PNPLA7: variants seen among roughly 807,000 people sequenced by gnomAD.
PNPLA7 encodes patatin like domain 7, lysophospholipase, also known as patatin-like phospholipase domain-containing protein 7.
Under a neutral mutation model 161.7 loss-of-function variants are expected in PNPLA7, and 153 were observed. That is an observed-to-expected ratio of 0.95 (90% CI 0.83 to 1.08). PNPLA7 has a LOEUF of 1.08. PNPLA7 is among the 50% of genes least tolerant of loss of function. The pLI is 0.00. For missense variants in PNPLA7, 1,739 were observed against 1,856.6 expected (o/e 0.94, Z 1.16); for synonymous variants, 809 against 782.1 (o/e 1.03, Z -0.57).
At chr9:137,504,542 C>T (rs1339309733) in intron 14 of PNPLA7, among the ~76,000 whole-genome samples, 2 of 152,176 alleles carry the variant, frequency 1.3e-5, no homozygotes, top group African/African-American at 2.4e-5. Context: ...TAGATCAGCC[C>T]ACTGCAGTGT....
At position 137,498,382 on chromosome 9, in the gene PNPLA7, G is replaced by T; in HGVS notation, c.1758-137C>A. 6.1e-6 allele frequency: 8 copies of T among 1,319,526 alleles called. 1 individual carries two copies. The South Asian group carries it at 9.8e-5, about 16-fold the overall frequency. The allele number at this position is 1,319,526 out of a possible 1,614,324, so 81.7% of individuals were successfully genotyped here. A position where few individuals can be genotyped will look rare whatever the true frequency, so the allele number is the denominator to read the frequency against. On this transcript the variant is annotated intron_variant, in intron 16 of 34. Transcript: ENST00000406427. The stretch of plus-strand genomic sequence containing the variant: ...GTAGAGAGACCACTGGCAGGGGCTG[G>T]GACGGGGCACGCACCAGTCAGCTGC...
chr9:137,530,033 C>T (rs1005267235), intron 8 of PNPLA7, among the ~76,000 whole-genome samples: 1 of 151,526 alleles, frequency 6.6e-6, no homozygotes, highest in African/African-American at 2.4e-5. Context: ...GGCATGATCT[C>T]GGCTCACTGC....
intron 33 of PNPLA7, 134 bp from the exon 34 acceptor site, chr9:137,460,871 C>A (rs1322037030): frequency 2.8e-6 from 2 of 724,002 alleles, no homozygotes; most frequent in Non-Finnish European, 4.6e-6. Context: ...CTACACGCAG[C>A]CACCTGGTCC....
chr9:137,501,823 G>T (rs966129139), intron 14 of PNPLA7, 96 bp from the exon 15 acceptor site: 3 of 1,286,550 alleles, frequency 2.3e-6, no homozygotes, highest in Middle Eastern at 1.8e-4. Flanking sequence ...GGCAACGAGC[G>T]GTGAGGCCAG....
chr9:137,507,417 C>T (rs1833982042), intron 12 of PNPLA7, among the ~76,000 whole-genome samples: 1 of 152,202 alleles, frequency 6.6e-6, no homozygotes, highest in African/African-American at 2.4e-5. Flanking sequence ...CACCTATAGT[C>T]CCAGCACTTT....
chr9:137,498,490 C>T (rs1048790859), intron 16 of PNPLA7, among the ~76,000 whole-genome samples: 1 of 152,246 alleles, frequency 6.6e-6, no homozygotes, highest in African/African-American at 2.4e-5. Context: ...TCCTGGCAGG[C>T]CCGCGAGTGC....
chr9:137,529,948 C>T (rs1039591947), intron 8 of PNPLA7, among the ~76,000 whole-genome samples: 5 of 151,684 alleles, frequency 3.3e-5, no homozygotes, highest in Non-Finnish European at 5.9e-5. Flanking sequence ...TGTGAGCCAC[C>T]GCGCCCAGCC....
chr9:137,498,912 A>G (rs1656512061), intron 16 of PNPLA7, among the ~76,000 whole-genome samples: 1 of 152,206 alleles, frequency 6.6e-6, no homozygotes, highest in South Asian at 2.1e-4. Flanking sequence ...TTTCCTCAGA[A>G]GGCAAAAGCA....
In PNPLA7 at chr9:137,520,022, C is replaced by T. The variant is rs202132890; in HGVS notation, c.979G>A (p.Val327Met). 296 of 1,612,616 alleles carry T rather than the reference C, an allele frequency of 1.8e-4. 1 individual carries two copies. The highest frequency in any genetic ancestry group is 2.7e-4 in the South Asian group (25 of 91,082). The change falls in exon 11 of 35, where the codon GTG becomes ATG. Residue 327 changes from valine to methionine, a missense_variant. Val to Met is a conservative substitution (Grantham distance 21, BLOSUM62 1). Coordinates refer to ENST00000406427, the MANE Select transcript of PNPLA7 (RefSeq NM_001098537.3). The surrounding 1 kb of genome is among the most constrained non-coding windows in gnomAD (Gnocchi z 5.2). The part of the protein sequence containing the change: ...FNAESQAIPL[V>M]SVASVAAGKA... Reference sequence around the variant, plus strand: ...CCGGCAGCCACACTGGCTACAGACACGAGAGGGATGGCCTGGCTCTCCTGG... The same window carrying T: ...CCGGCAGCCACACTGGCTACAGACATGAGAGGGATGGCCTGGCTCTCCTGG...
intron 4 of PNPLA7, among the ~76,000 whole-genome samples, chr9:137,546,588 G>A (rs983093205): frequency 4.6e-5 from 7 of 152,188 alleles, no homozygotes; most frequent in African/African-American, 4.8e-5. Flanking sequence ...AGAGGCCTGA[G>A]AGGGTGAGGG....
At chr9:137,515,608 T>A in intron 11 of PNPLA7, 89 bp from the exon 12 acceptor site, 1 of 1,416,496 alleles carries the variant, frequency 7.1e-7, no homozygotes, top group Non-Finnish European at 9.3e-7. Context: ...GGGAGCAGGG[T>A]CCCCACAGTG....
At chr9:137,472,650 C>CAAAAA (rs71387839) in intron 25 of PNPLA7, among the ~76,000 whole-genome samples, 1 of 82,342 alleles carries the variant, frequency 1.2e-5, no homozygotes, top group Non-Finnish European at 2.2e-5. Context: ...GACTCCATCT[C>CAAAAA]AAAAAAAAAA....
intron 12 of PNPLA7, 58 bp from the exon 13 acceptor site, chr9:137,506,141 G>C: frequency 6.9e-7 from 1 of 1,449,102 alleles, no homozygotes; most frequent in South Asian, 1.2e-5. Flanking sequence ...ACAAACGTCC[G>C]CGGTGTGGGC....
chr9:137,480,928 G>A (rs747450782), intron 22 of PNPLA7, 32 bp downstream of exon 22: 23 of 1,549,678 alleles, frequency 1.5e-5, no homozygotes, highest in African/African-American at 6.8e-5. Context: ...TGGGCCGGCT[G>A]GGAGGAAGGA....
At chr9:137,479,259 G>A (rs1434505634) in intron 23 of PNPLA7, 21 bp from the exon 24 acceptor site, 2 of 1,505,208 alleles carry the variant, frequency 1.3e-6, no homozygotes, top group Admixed American at 4.1e-5. Flanking sequence ...GAGCCCACGT[G>A]TCTGCCAGCC....
In PNPLA7 at chr9:137,460,398, C is replaced by T. The variant is rs372791017; in HGVS notation, c.4024G>A (p.Gly1342Arg). The change falls in exon 35 of 35, where the codon GGG (glycine) becomes AGG (arginine). Residue 1342 changes from glycine (G) to arginine (R), a missense_variant. Physicochemically the swap from Gly to Arg is moderately radical, Grantham distance 125. Transcript: ENST00000406427. ...KLSEGSSDQD[G>R] ...GGGCTCTTTAGCAGAGGCCTCTACC[C>T]GTCCTGGTCAGAGGAGCCCTCAGAC... The T allele has an allele frequency of 6.9e-5, 112 of 1,612,290 alleles. No homozygotes were observed. The highest frequency in any genetic ancestry group is 3.3e-4 in the Middle Eastern group (2 of 6,018).
chr9:137,462,933 G>A, intron 29 of PNPLA7, 100 bp from the exon 30 acceptor site: 2 of 1,502,720 alleles, frequency 1.3e-6, no homozygotes, highest in Non-Finnish European at 1.8e-6. Flanking sequence ...GGGGTTGTGG[G>A]GTCTCCTCTC....
chr9:137,541,791 T>C lies in PNPLA7; in HGVS notation c.666+851A>G, dbSNP rs114796377. ...CTACGTGGATTCACACCCGAATTTT[T>C]TTTTTTTTGAGACAGGGTCTCGCTC... On this transcript the variant is annotated intron_variant, in intron 7 of 34. Transcript: ENST00000406427. This position sits in a 1 kb window ranked among gnomAD's most constrained non-coding sequence, Gnocchi z 4.4. Among the ~76,000 whole-genome samples, 1,914 of 152,186 alleles carry C rather than the reference T, an allele frequency of 0.013. 39 individuals carry two copies. Among genetic ancestry groups the C allele is most frequent in the African/African-American group, 0.043 (1,797 of 41,506 alleles).
intron 14 of PNPLA7, among the ~76,000 whole-genome samples, chr9:137,502,079 G>A (rs1036848238): frequency 6.6e-6 from 1 of 152,232 alleles, no homozygotes; most frequent in African/African-American, 2.4e-5. Flanking sequence ...GCCAGCAGTG[G>A]GATGCCTTCT....
Sources: gnomAD v4.1 joint callset for allele counts (sites outside exome capture counted in the v4.1 genomes callset) on GRCh38, gnomAD v4.1.1 for gene constraint, Gnocchi (gnomAD v3.1) non-coding constraint, MANE v1.5 for transcripts, NCBI Gene and HGNC (gene_info 2026-07-23, HGNC 2026-07-21) for gene names.